CUEDC1: variants seen among roughly 807,000 people sequenced by gnomAD.
CUEDC1 encodes CUE domain-containing protein 1.
In CUEDC1, 30 loss-of-function variants were observed where a neutral mutation model predicts 43.7. The ratio of observed to expected loss-of-function variants is 0.69; its 90% CI spans 0.51 to 0.93. CUEDC1 has a LOEUF of 0.93. Ranked by LOEUF, CUEDC1 falls within the 40% of genes least tolerant of loss-of-function variation. The probability of loss-of-function intolerance (pLI) is 0.00; values close to 1 mark genes in which losing one functional copy is unlikely to be tolerated. For missense variants in CUEDC1, 486 were observed against 549.0 expected (o/e 0.89, Z 1.15); for synonymous variants, 223 against 223.6 (o/e 1.00, Z 0.02).
At position 57,869,200 on chromosome 17, in the gene CUEDC1, G is replaced by T; in HGVS notation, c.869-7C>A. ...GGGTTGGCGTCGCCAGTTCCTGGAAGGAGACACCTGCTGAAGGCCGGCCAC... is the reference window on the plus strand; with the variant it reads ...GGGTTGGCGTCGCCAGTTCCTGGAATGAGACACCTGCTGAAGGCCGGCCAC... On this transcript the variant is annotated splice_polypyrimidine_tract_variant and splice_region_variant and intron_variant, in intron 6 of 10. Transcript: ENST00000577830. The T allele has an allele frequency of 6.2e-7, 1 of 1,613,402 alleles. No homozygotes were observed. Among genetic ancestry groups the T allele is most frequent in the Non-Finnish European group, 8.5e-7 (1 of 1,179,694 alleles).
At chr17:57,917,032 A>G (rs1353723559) in intron 1 of CUEDC1, among the ~76,000 whole-genome samples, 1 of 152,200 alleles carries the variant, frequency 6.6e-6, no homozygotes, top group East Asian at 1.9e-4. Flanking sequence ...TGACTTTAGA[A>G]GAGAAAGGTG....
intron 1 of CUEDC1, chr17:57,903,295 C>A (rs981343762): frequency 3.9e-5 from 6 of 152,312 alleles, no homozygotes; most frequent in African/African-American, 1.4e-4. Flanking sequence ...CCTCCCTGTC[C>A]TGGTCTGGGT....
intron 1 of CUEDC1, among the ~76,000 whole-genome samples, chr17:57,951,419 C>T (rs11651057): frequency 0.095 from 14,426 of 152,028 alleles, 909 homozygotes; most frequent in Non-Finnish European, 0.13. Flanking sequence ...CACAAAATAA[C>T]TCAGTTGCTT....
intron 1 of CUEDC1, among the ~76,000 whole-genome samples, chr17:57,934,559 TAAAAAAAAA>T (rs575832390): frequency 6.1e-5 from 4 of 65,336 alleles, no homozygotes; most frequent in African/African-American, 1.5e-4. Context: ...CCTGTCTCTC[TAAAAAAAAA>T]AAAAAAAAAA....
In CUEDC1 at chr17:57,862,105, C is replaced by T. The variant is rs1034610621; in HGVS notation, c.*1184G>A. ...TGCCACTCCCAACCTCCCAGAGCCG[C>T]GCCGAAGCCTCGTGCCTGCCCAGGC... On this transcript the variant is annotated 3_prime_UTR_variant, in exon 11 of 11. Transcript: ENST00000577830. 7.9e-5 allele frequency: 12 copies of T among 152,362 alleles called. No individual in the cohort carries two copies. The highest frequency in any genetic ancestry group is 2.0e-4 in the Admixed American group (3 of 15,308). 9.4% of individuals were successfully genotyped at this position (152,362 alleles called of 1,614,324 possible).
In CUEDC1 at chr17:57,872,744, T is replaced by C; in HGVS notation, c.703A>G (p.Arg235Gly). Residue 235 changes from arginine to glycine, a missense_variant, in exon 5 of 11, where the codon AGG (arginine) becomes GGG (glycine). Coordinates refer to ENST00000577830, the MANE Select transcript of CUEDC1 (RefSeq NM_001271875.2). Reference protein sequence around the residue: ...SRWKQYLEDERIALFLQNEEF... With the variant: ...SRWKQYLEDEGIALFLQNEEF... ...TCGTTCTGCAGGAAAAGCGCGATCC[T>C]CTCGTCCTCCAGGTACTGCTTCCAG... The C allele has an allele frequency of 6.2e-7, 1 of 1,614,200 alleles. No individual in the cohort carries two copies. Among genetic ancestry groups the C allele is most frequent in the Non-Finnish European group, 8.5e-7 (1 of 1,180,030 alleles).
In CUEDC1 at chr17:57,868,132, C is replaced by A; in HGVS notation, c.1034+18G>T. On this transcript the variant is annotated intron_variant, in intron 8 of 10. Transcript: ENST00000577830. Reference sequence around the variant, plus strand: ...TTGGCTTCCACCACCCCCACCAGTGCCAGGCTGGAAAGGATACGACTGATG... The same window carrying A: ...TTGGCTTCCACCACCCCCACCAGTGACAGGCTGGAAAGGATACGACTGATG... 6.2e-7 allele frequency: 1 copy of A among 1,606,814 alleles called. No homozygotes were observed. Among genetic ancestry groups the A allele is most frequent in the South Asian group, 1.1e-5 (1 of 90,938 alleles).
intron 1 of CUEDC1, among the ~76,000 whole-genome samples, chr17:57,939,534 C>T (rs182318209): frequency 2.0e-4 from 28 of 137,964 alleles, no homozygotes; most frequent in African/African-American, 3.5e-4. Flanking sequence ...CCCACCTTGG[C>T]CCCCCAGAGT....
chr17:57,895,732 G>C (rs1322024497), intron 1 of CUEDC1, among the ~76,000 whole-genome samples: 1 of 152,148 alleles, frequency 6.6e-6, no homozygotes. Flanking sequence ...ACAGCTCTAG[G>C]GGACCCCACT....
rs750146379 is a variant in CUEDC1, at chr17:57,885,381, C to G, written c.184G>C (p.Asp62His). ...AGCACGCATTCGATGATGTCGTAAT[C>G]CATGTTGGGGAACATGGTCTTGAAG... is the stretch of plus-strand genomic sequence containing the variant. ...DDFKTMFPNM[D>H]YDIIECVLRA... The change falls in exon 2 of 11, where the codon GAT (aspartate) becomes CAT (histidine). Residue 62 changes from aspartate (D) to histidine (H), a missense_variant. Transcript: ENST00000577830. 6.2e-7 allele frequency: 1 copy of G among 1,612,076 alleles called. No homozygotes were observed. The highest frequency in any genetic ancestry group is 1.1e-5 in the South Asian group (1 of 90,776).
intron 1 of CUEDC1, among the ~76,000 whole-genome samples, chr17:57,922,232 G>A (rs1406953516): frequency 2.6e-5 from 4 of 152,136 alleles, no homozygotes; most frequent in East Asian, 1.9e-4. Flanking sequence ...TCATATAGCC[G>A]GCTTAAAACA....
intron 1 of CUEDC1, among the ~76,000 whole-genome samples, chr17:57,949,855 C>T (rs1312533054): frequency 2.0e-5 from 3 of 152,060 alleles, no homozygotes; most frequent in African/African-American, 7.2e-5. Context: ...TGAACTACCA[C>T]ACCCAGCCCT....
At chr17:57,908,315 C>T (rs748988701) in intron 1 of CUEDC1, among the ~76,000 whole-genome samples, 22 of 152,118 alleles carry the variant, frequency 1.4e-4, no homozygotes, top group Non-Finnish European at 2.8e-4. Flanking sequence ...CCTAGGCCTC[C>T]CAAAGTACTG....
intron 1 of CUEDC1, among the ~76,000 whole-genome samples, chr17:57,896,485 G>GGGGGGC: frequency 3.0e-5 from 1 of 32,806 alleles, no homozygotes; most frequent in South Asian, 1.1e-3. Context: ...AGTGCATTAT[G>GGGGGGC]GGGTGTGTGT....
chr17:57,924,536 T>C (rs1403359500), intron 1 of CUEDC1, among the ~76,000 whole-genome samples: 1 of 152,202 alleles, frequency 6.6e-6, no homozygotes, highest in Non-Finnish European at 1.5e-5. Flanking sequence ...ATCCCGTGTG[T>C]TGCGTGGCTA....
chr17:57,887,718 T>G (rs1484184622), intron 1 of CUEDC1, among the ~76,000 whole-genome samples: 1 of 136,828 alleles, frequency 7.3e-6, no homozygotes, highest in East Asian at 2.2e-4. Flanking sequence ...TTGGTCAGGC[T>G]GTTCTCAAAC....
At chr17:57,872,561 GC>G (rs2074048795) in intron 5 of CUEDC1, 101 bp downstream of exon 5, 7 of 1,285,858 alleles carry the variant, frequency 5.4e-6, no homozygotes, top group Non-Finnish European at 7.5e-6. Context: ...AAAGCACCTG[GC>G]CCCCTCAGCC....
chr17:57,954,188 G>A lies in CUEDC1; in HGVS notation c.-316+1037C>T, dbSNP rs1336285436. Among the ~76,000 whole-genome samples, 3 of 152,290 alleles carry A rather than the reference G, an allele frequency of 2.0e-5. No homozygotes were observed. Among genetic ancestry groups the A allele is most frequent in the Middle Eastern group, 3.4e-3 (1 of 294 alleles). ...GGGCCAGGTGGCTCAGGTGCTGCGG[G>A]ATCACCCAGGGAAGGCTCATTCCTC... is the stretch of plus-strand genomic sequence containing the variant. On this transcript the variant is annotated intron_variant, in intron 1 of 10. Coordinates refer to ENST00000577830, the MANE Select transcript of CUEDC1 (RefSeq NM_001271875.2). The surrounding 1 kb of genome is among the most constrained non-coding windows in gnomAD (Gnocchi z 4.3).
intron 1 of CUEDC1, among the ~76,000 whole-genome samples, chr17:57,934,676 T>C (rs1259280631): frequency 1.3e-5 from 2 of 150,734 alleles, no homozygotes; most frequent in South Asian, 4.2e-4. Flanking sequence ...AACAGATACA[T>C]AGAGAATACT....
Sources: gnomAD v4.1 joint callset for allele counts (sites outside exome capture counted in the v4.1 genomes callset) on GRCh38, gnomAD v4.1.1 for gene constraint, Gnocchi (gnomAD v3.1) non-coding constraint, MANE v1.5 for transcripts, NCBI Gene and HGNC (gene_info 2026-07-23, HGNC 2026-07-21) for gene names.